The following STXBP3 variants were observed in gnomAD, a reference collection of about 807,000 sequenced individuals.
The protein encoded by STXBP3 is syntaxin-binding protein 3.
STXBP3 carries 41 observed loss-of-function variants against 85.7 expected under a neutral mutation model. The observed-to-expected ratio is 0.48, with a 90% CI of 0.37 to 0.62. The LOEUF is 0.62. STXBP3 is among the 20% of genes least tolerant of loss of function. The pLI is 0.00. For synonymous variants in STXBP3, 229 were observed against 231.7 expected (o/e 0.99, Z 0.10); for missense variants, 563 against 703.1 (o/e 0.80, Z 2.25).
intron 15 of STXBP3, among the ~76,000 whole-genome samples, chr1:108,797,610 G>T (rs1191383122): frequency 2.6e-5 from 4 of 151,956 alleles, no homozygotes; most frequent in Admixed American, 6.6e-5. Flanking sequence ...GTTTCACTCT[G>T]TCGGCCAGGC....
intron 2 of STXBP3, 45 bp from the exon 3 acceptor site, chr1:108,753,018 G>T (rs528474229): frequency 7.0e-7 from 1 of 1,431,906 alleles, no homozygotes; most frequent in Non-Finnish European, 9.4e-7. Flanking sequence ...TTCATTCTTG[G>T]TAATAGGATG....
Position 108,779,312 on chromosome 1 carries a change from A to G in STXBP3, c.711A>G (p.Ile237Met), listed in dbSNP as rs1318082125. 1.2e-6 allele frequency: 2 copies of G among 1,612,934 alleles called. No homozygotes were observed. Among genetic ancestry groups the G allele is most frequent in the Non-Finnish European group, 1.7e-6 (2 of 1,179,364 alleles). ...GTAAAACTCATTCACAGCTCTTAAT[A>G]ATTGATCGTGGCTTTGATCCTGTGT... The part of the protein sequence containing the change: ...IKGKTHSQLL[I>M]IDRGFDPVST... The change falls in exon 9 of 19, where the codon ATA becomes ATG. Residue 237 changes from isoleucine (I) to methionine (M), a missense_variant. Physicochemically the swap from Ile to Met is conservative, Grantham distance 10. Transcript: ENST00000370008.
chr1:108,788,899 T>TA (rs1204918082), intron 11 of STXBP3, among the ~76,000 whole-genome samples: 10 of 151,544 alleles, frequency 6.6e-5, no homozygotes, highest in Admixed American at 2.6e-4. Context: ...CTGTCTCTAC[T>TA]AAAAAAAATA....
Position 108,808,999 on chromosome 1 carries a change from C to A in STXBP3, c.*122C>A. ...TTATGGAATAATGGCTTTTCAAATA[C>A]ATTTCTTAAGGAACTGTTTATGATT... is the stretch of plus-strand genomic sequence containing the variant. On this transcript the variant is annotated 3_prime_UTR_variant, in exon 19 of 19. Coordinates refer to ENST00000370008, the MANE Select transcript of STXBP3 (RefSeq NM_007269.4). 1 of 655,666 alleles carries A rather than the reference C, an allele frequency of 1.5e-6. No homozygotes were observed. Among genetic ancestry groups the A allele is most frequent in the Non-Finnish European group, 2.5e-6 (1 of 394,478 alleles). The allele number at this position is 655,666 out of a possible 1,614,324, so 40.6% of individuals were successfully genotyped here.
In STXBP3 at chr1:108,771,443, T is replaced by TATATATATAATATATAAATATATATG. The variant is rs1557805488; in HGVS notation, c.439-1214_439-1213insAATATATAAATATATATGATATATAT. On this transcript the variant is annotated intron_variant, in intron 6 of 18. Transcript: ENST00000370008. ...TATATAAATATATATGATATATATCTATATATATCATATATAAATATATAT... is the reference window on the plus strand; with the variant it reads ...TATATAAATATATATGATATATATCTATATATATAATATATAAATATATATGATATATATCATATATAAATATATAT... Among the ~76,000 whole-genome samples the TATATATATAATATATAAATATATATG allele has an allele frequency of 2.4e-3, 56 of 23,570 alleles. 5 individuals carry two copies. The highest frequency in any genetic ancestry group is 5.4e-3 in the African/African-American group (20 of 3,710). 15.5% of individuals were successfully genotyped at this position (23,570 alleles called of 152,430 possible).
intron 6 of STXBP3, among the ~76,000 whole-genome samples, chr1:108,761,060 C>T (rs1248024703): frequency 1.4e-5 from 2 of 145,558 alleles, no homozygotes; most frequent in Non-Finnish European, 3.1e-5. Flanking sequence ...TGCGTCACCA[C>T]ACCTGGCTAA....
rs35813823 is a variant in STXBP3 at position 108,765,570 on chromosome 1, A to ATTTTTTTTTTTTTTTTTTTTT, written c.438+5487_438+5507dup. ...TCATGGTAAAAAGCACCACATGCTA[A>ATTTTTTTTTTTTTTTTTTTTT]TTTTTTTTTTTTTTTTTTTTTTGAG... On this transcript the variant is annotated intron_variant, in intron 6 of 18. Transcript: ENST00000370008. Among the ~76,000 whole-genome samples, 2 of 67,168 alleles carry ATTTTTTTTTTTTTTTTTTTTT rather than the reference A, an allele frequency of 3.0e-5. 1 individual carries two copies. Among genetic ancestry groups the ATTTTTTTTTTTTTTTTTTTTT allele is most frequent in the Non-Finnish European group, 6.2e-5 (2 of 32,162 alleles). The allele number at this position is 67,168 out of a possible 152,430, so 44.1% of individuals were successfully genotyped here. A position where few individuals can be genotyped will look rare whatever the true frequency, so the allele number is the denominator to read the frequency against.
At chr1:108,785,129 C>T (rs560485442) in intron 11 of STXBP3, among the ~76,000 whole-genome samples, 1 of 152,200 alleles carries the variant, frequency 6.6e-6, no homozygotes, top group Non-Finnish European at 1.5e-5. Flanking sequence ...CCGCTTCTCA[C>T]AGTTCACTAG....
At chr1:108,793,764 C>CT in intron 12 of STXBP3, 117 bp downstream of exon 12, 1 of 775,018 alleles carries the variant, frequency 1.3e-6, no homozygotes, top group East Asian at 3.0e-5. Context: ...TATTTGTCCT[C>CT]TAAAACCTTA....
intron 12 of STXBP3, among the ~76,000 whole-genome samples, chr1:108,794,412 G>A (rs973208479): frequency 5.9e-5 from 9 of 152,190 alleles, no homozygotes; most frequent in African/African-American, 2.2e-4. Context: ...AAAGCAAAGG[G>A]GAAGCCAGGC....
At chr1:108,747,575 G>A (rs1463659867) in intron 1 of STXBP3, among the ~76,000 whole-genome samples, 1 of 152,122 alleles carries the variant, frequency 6.6e-6, no homozygotes, top group Non-Finnish European at 1.5e-5. Context: ...CACCCAACAG[G>A]AATAACCATC....
chr1:108,809,093 T>C lies in STXBP3; in HGVS notation c.*216T>C, dbSNP rs1274286016. 3 of 418,626 alleles carry C rather than the reference T, an allele frequency of 7.2e-6. No homozygotes were observed. Among genetic ancestry groups the C allele is most frequent in the African/African-American group, 2.1e-5 (1 of 47,728 alleles). 25.9% of individuals were successfully genotyped at this position (418,626 alleles called of 1,614,324 possible). A position where few individuals can be genotyped will look rare whatever the true frequency, so the allele number is the denominator to read the frequency against. On this transcript the variant is annotated 3_prime_UTR_variant, in exon 19 of 19. Coordinates refer to ENST00000370008, the MANE Select transcript of STXBP3 (RefSeq NM_007269.4). ...CTTTGTAGATGATGAGAAGAAATGT[T>C]AAAGTGCTTTCTAAAAGGAAATTTT...
chr1:108,768,092 A>G (rs1012290055), intron 6 of STXBP3, among the ~76,000 whole-genome samples: 1 of 152,208 alleles, frequency 6.6e-6, no homozygotes, highest in Admixed American at 6.5e-5. Flanking sequence ...TTGTTGGAGA[A>G]GCATCTTGTA....
At chr1:108,763,229 A>G (rs1260984581) in intron 6 of STXBP3, among the ~76,000 whole-genome samples, 1 of 152,242 alleles carries the variant, frequency 6.6e-6, no homozygotes, top group African/African-American at 2.4e-5. Context: ...ATTTTACATT[A>G]GTAGTTTCTT....
intron 17 of STXBP3, 144 bp from the exon 18 acceptor site, chr1:108,807,257 C>CAAAAAAA (rs201346701): frequency 2.9e-5 from 20 of 699,668 alleles, no homozygotes; most frequent in East Asian, 5.7e-5. Flanking sequence ...GACTCCACCT[C>CAAAAAAA]AAAAAAAAAA....
chr1:108,776,207 A>G (rs1662589514), intron 7 of STXBP3, 126 bp from the exon 8 acceptor site: 2 of 543,128 alleles, frequency 3.7e-6, no homozygotes, highest in Non-Finnish European at 5.9e-6. Flanking sequence ...TTACATGTTT[A>G]TAAAATAATT....
chr1:108,765,073 G>A (rs1767015), intron 6 of STXBP3, among the ~76,000 whole-genome samples: 39,092 of 151,994 alleles, frequency 0.26, 5,427 homozygotes, highest in African/African-American at 0.32. Context: ...TATGGAAGGG[G>A]TCCAGTTTCA....
At chr1:108,789,488 A>C (rs1178558503) in intron 11 of STXBP3, among the ~76,000 whole-genome samples, 2 of 151,748 alleles carry the variant, frequency 1.3e-5, no homozygotes, top group Admixed American at 1.3e-4. Context: ...TTGATTTCCA[A>C]CCTTTCTTCT....
intron 6 of STXBP3, among the ~76,000 whole-genome samples, chr1:108,765,783 C>A (rs1214698298): frequency 6.6e-6 from 1 of 150,682 alleles, no homozygotes; most frequent in Non-Finnish European, 1.5e-5. Flanking sequence ...GTTGACCAGG[C>A]TGGTCTCAAA....
Sources: gnomAD v4.1 joint callset for allele counts (sites outside exome capture counted in the v4.1 genomes callset) on GRCh38, gnomAD v4.1.1 for gene constraint, MANE v1.5 for transcripts, NCBI Gene and HGNC (gene_info 2026-07-23, HGNC 2026-07-21) for gene names.